Variants in HPSE2 observed in about 807,000 individuals in gnomAD.
HPSE2 encodes inactive heparanase-2.
A neutral mutation model predicts 60.5 loss-of-function variants in HPSE2; 38 were observed. The ratio of observed to expected loss-of-function variants is 0.63; its 90% CI spans 0.48 to 0.82. The LOEUF (loss-of-function observed/expected upper bound fraction) is 0.82. HPSE2 is among the 40% of genes least tolerant of loss of function. HPSE2 has a pLI of 0.00. For missense variants in HPSE2, 713 were observed against 740.4 expected, an observed-to-expected ratio of 0.96 and a Z score of 0.43; for synonymous variants, 295 against 293.2, an observed-to-expected ratio of 1.01 and a Z score of -0.06.
rs1382503677 is a variant in HPSE2 at position 98,941,926 on chromosome 10, C to T, written c.611-197870G>A. ...AACAGAGCCCTCAGAAATAATGCCA[C>T]ATATCTACAGCTATCTGATCTTTGA... On this transcript the variant is annotated intron_variant, in intron 3 of 11. Transcript: ENST00000370552. Among the ~76,000 whole-genome samples the T allele has an allele frequency of 7.0e-5, 10 of 142,234 alleles. 3 individuals are homozygous for T. Among genetic ancestry groups the T allele is most frequent in the African/African-American group, 2.3e-4 (8 of 34,706 alleles). The allele number at this position is 142,234 out of a possible 152,430, so 93.3% of individuals were successfully genotyped here. A position where few individuals can be genotyped will look rare whatever the true frequency, so the allele number is the denominator to read the frequency against.
chr10:99,235,950 TCCCGCTCTCTCTCTCTCTCG>T (rs1369212474), upstream of HPSE2: 3 of 636,350 alleles, frequency 4.7e-6, no homozygotes, highest in East Asian at 2.8e-5. Flanking sequence ...TCTCTCTCTC[TCCCGCTCTCTCTCTCTCTCG>T]CTCGCTCGCT....
At chr10:98,770,192 A>G (rs1589798103) in intron 3 of HPSE2, among the ~76,000 whole-genome samples, 1 of 152,180 alleles carries the variant, frequency 6.6e-6, no homozygotes, top group East Asian at 1.9e-4. Flanking sequence ...GTGTTTTCAC[A>G]TTGAAAGAAA....
chr10:99,103,565 C>A (rs181622468), intron 3 of HPSE2, among the ~76,000 whole-genome samples: 57 of 152,184 alleles, frequency 3.7e-4, no homozygotes, highest in African/African-American at 1.2e-3. Flanking sequence ...TGCCCAAGGT[C>A]ATTTATAGAT....
chr10:98,502,083 G>A (rs1261411885), intron 9 of HPSE2, among the ~76,000 whole-genome samples: 2 of 152,130 alleles, frequency 1.3e-5, no homozygotes, highest in African/African-American at 4.8e-5. Flanking sequence ...CCTTACTCAT[G>A]GATGGGTAGA....
At chr10:98,565,062 A>G (rs991674952) in intron 9 of HPSE2, among the ~76,000 whole-genome samples, 1 of 152,182 alleles carries the variant, frequency 6.6e-6, no homozygotes, top group Non-Finnish European at 1.5e-5. Context: ...TGGTCTACAT[A>G]ACAACCTTAT....
At position 98,684,336 on chromosome 10, in the gene HPSE2, G is replaced by C. The variant is rs577408807; in HGVS notation, c.1004+9564C>G. On this transcript the variant is annotated intron_variant, in intron 6 of 11. Transcript: ENST00000370552. ...AAACTGATGGTTACCTGAGGTGTCT[G>C]CATATAGAAACAGGAGATTTACTAC... 4.6e-5 allele frequency among the ~76,000 whole-genome samples: 7 copies of C among 152,240 alleles called. No individual in the cohort carries two copies. In the East Asian group the frequency reaches 1.4e-3, roughly 29 times the overall value.
chr10:99,192,847 G>A (rs1848267341), intron 2 of HPSE2, among the ~76,000 whole-genome samples: 3 of 152,002 alleles, frequency 2.0e-5, no homozygotes, highest in African/African-American at 4.8e-5. Flanking sequence ...CAAATGCTGA[G>A]GATTTTCATC....
chr10:99,172,894 A>G (rs1326102148), intron 2 of HPSE2, among the ~76,000 whole-genome samples: 1 of 152,124 alleles, frequency 6.6e-6, no homozygotes, highest in Non-Finnish European at 1.5e-5. Context: ...AAGAAGAAGA[A>G]AAAGAAGAAA....
intron 3 of HPSE2, among the ~76,000 whole-genome samples, chr10:98,956,569 T>C (rs1955515270): frequency 6.6e-6 from 1 of 152,156 alleles, no homozygotes; most frequent in Admixed American, 6.6e-5. Flanking sequence ...CTTTCTCCCA[T>C]GGTCTAAGAT....
At chr10:98,810,233 G>A (rs535410120) in intron 3 of HPSE2, among the ~76,000 whole-genome samples, 2 of 152,028 alleles carry the variant, frequency 1.3e-5, no homozygotes, top group Non-Finnish European at 2.9e-5. Context: ...TTACTTATCT[G>A]CTTCCCCTGT....
the HPSE2 span, among the ~76,000 whole-genome samples, chr10:99,288,185 G>T: frequency 6.6e-6 from 1 of 152,108 alleles, no homozygotes; most frequent in Non-Finnish European, 1.5e-5. Flanking sequence ...AAATCTAAGG[G>T]ATAGGCTAGA....
rs140482014 is a variant in HPSE2, at chr10:99,050,874, G to A, written c.610+93364C>T. Among the ~76,000 whole-genome samples the A allele has an allele frequency of 5.1e-4, 77 of 152,098 alleles. 1 individual carries two copies. Among genetic ancestry groups the A allele is most frequent in the Middle Eastern group, 3.4e-3 (1 of 294 alleles). On this transcript the variant is annotated intron_variant, in intron 3 of 11. Transcript: ENST00000370552. The stretch of plus-strand genomic sequence containing the variant: ...GATAATAAGGAGATGTTAGTCAAAC[G>A]GTACAATGTTTAAGTTACACAGCAG...
chr10:99,164,831 A>T (rs1170410750), intron 2 of HPSE2, among the ~76,000 whole-genome samples: 1 of 151,964 alleles, frequency 6.6e-6, no homozygotes, highest in Admixed American at 6.6e-5. Flanking sequence ...CACGCCTGTA[A>T]TCCCAGCACT....
Position 98,721,713 on chromosome 10 carries a change from G to C in HPSE2, c.900C>G (p.Ser300Arg). Reference sequence around the variant, plus strand: ...GCCGCCCAATATTAGGGCCATATAAGCTGGCTCTGGAATAAATCCGGATGG... The same window carrying C: ...GCCGCCCAATATTAGGGCCATATAACCTGGCTCTGGAATAAATCCGGATGG... ...LQPIRIYSRA[S>R]LYGPNIGRPR... Residue 300 changes from serine (S) to arginine (R), a missense_variant, in exon 5 of 12, where the codon AGC (serine) becomes AGG (arginine). Physicochemically the swap from Ser to Arg is moderately radical, Grantham distance 110 (BLOSUM62 -1). Transcript: ENST00000370552. 1 of 1,613,724 alleles carries C rather than the reference G, an allele frequency of 6.2e-7. No individual in the cohort carries two copies. Among genetic ancestry groups the C allele is most frequent in the Non-Finnish European group, 8.5e-7 (1 of 1,179,902 alleles).
At position 98,947,700 on chromosome 10, in the gene HPSE2, T is replaced by C. The variant is rs570979540; in HGVS notation, c.610+196538A>G. ...ACTTTATTGTTTGGTGTAAATACAG[T>C]AGGGTTTATGAACAGGACTGCCCCT... On this transcript the variant is annotated intron_variant, in intron 3 of 11. Coordinates refer to ENST00000370552, the MANE Select transcript of HPSE2 (RefSeq NM_021828.5). 1.2e-4 allele frequency among the ~76,000 whole-genome samples: 18 copies of C among 151,006 alleles called. No individual in the cohort carries two copies. The East Asian group carries it at 3.2e-3, about 27-fold the overall frequency.
At chr10:98,468,660 G>A (rs1351668332) in intron 11 of HPSE2, among the ~76,000 whole-genome samples, 1 of 151,994 alleles carries the variant, frequency 6.6e-6, no homozygotes, top group Admixed American at 6.6e-5. Flanking sequence ...AATAGTATGC[G>A]GCTCAGTGCC....
At position 98,766,083 on chromosome 10, in the gene HPSE2, AG is replaced by A. The variant is rs1950113840; in HGVS notation, c.611-22028del. On this transcript the variant is annotated intron_variant, in intron 3 of 11. Coordinates refer to ENST00000370552, the MANE Select transcript of HPSE2 (RefSeq NM_021828.5). Reference sequence around the variant, plus strand: ...GACATACAAATTACCAGTATCAAGAAGGGAAGAGATGAATCAATATAAACCA... The same window carrying A: ...GACATACAAATTACCAGTATCAAGAAGGAAGAGATGAATCAATATAAACCA... 2.6e-5 allele frequency among the ~76,000 whole-genome samples: 4 copies of A among 152,158 alleles called. No homozygotes were observed. The South Asian group carries it at 8.3e-4, about 32-fold the overall frequency.
intron 6 of HPSE2, among the ~76,000 whole-genome samples, chr10:98,686,244 T>C (rs903314456): frequency 3.9e-5 from 6 of 152,170 alleles, no homozygotes; most frequent in African/African-American, 1.4e-4. Context: ...TGGAGATCAT[T>C]GCTTGTAAGT....
chr10:98,688,477 C>CTT (rs1388717965), intron 6 of HPSE2, among the ~76,000 whole-genome samples: 3,263 of 82,972 alleles, frequency 0.039, 183 homozygotes, highest in East Asian at 0.23. Context: ...TTTTTTTTTT[C>CTT]TTTTTTTTTT....
Sources: gnomAD v4.1 joint callset for allele counts (sites outside exome capture counted in the v4.1 genomes callset) on GRCh38, gnomAD v4.1.1 for gene constraint, MANE v1.5 for transcripts, NCBI Gene and HGNC (gene_info 2026-07-23, HGNC 2026-07-21) for gene names.